Variants in COL18A1 observed in about 807,000 individuals in gnomAD.
The protein encoded by COL18A1 is collagen type XVIII alpha 1 chain.
COL18A1 carries 133 observed loss-of-function variants against 168.0 expected under a neutral mutation model. That is an observed-to-expected ratio of 0.79 (90% CI 0.69 to 0.91). The LOEUF (loss-of-function observed/expected upper bound fraction) is 0.91, where lower values mean the gene tolerates loss of function less well. Ranked by LOEUF, COL18A1 falls within the 40% of genes least tolerant of loss-of-function variation. COL18A1 has a pLI of 0.00. For missense variants in COL18A1, 2,126 were observed against 1,925.4 expected (o/e 1.10, Z -1.95); for synonymous variants, 949 against 809.0 (o/e 1.17, Z -2.94).
rs1207411101 is a variant in COL18A1, at chr21:45,512,292, C to T, written c.3914C>T (p.Ala1305Val). 3 of 1,612,220 alleles carry T rather than the reference C, an allele frequency of 1.9e-6. No individual in the cohort carries two copies. Among genetic ancestry groups the T allele is most frequent in the African/African-American group, 1.3e-5 (1 of 75,038 alleles). Residue 1305 changes from alanine (A) to valine (V), a missense_variant, in exon 42 of 42, where the codon GCC becomes GTC. Coordinates refer to ENST00000651438, the MANE Select transcript of COL18A1 (RefSeq NM_001379500.1). Reference protein sequence around the residue: ...RTEAPSATGQASSLLGGRLLG... With the variant: ...RTEAPSATGQVSSLLGGRLLG... ...GAGGCTCCCTCGGCCACGGGCCAGG[C>T]CTCCTCGCTGCTGGGGGGCAGGCTC...
intron 2 of COL18A1, among the ~76,000 whole-genome samples, chr21:45,408,928 G>C (rs1166169982): frequency 6.6e-6 from 1 of 151,890 alleles, no homozygotes; most frequent in Non-Finnish European, 1.5e-5. Context: ...TCCTCTCTCA[G>C]CCCCAGGCCT....
chr21:45,481,272 C>T (rs1000440476), intron 13 of COL18A1, among the ~76,000 whole-genome samples: 1 of 152,266 alleles, frequency 6.6e-6, no homozygotes, highest in African/African-American at 2.4e-5. Context: ...ACGGCAGGCT[C>T]CCCACCAGCT....
intron 30 of COL18A1, 65 bp downstream of exon 30, chr21:45,496,633 G>T: frequency 1.2e-6 from 1 of 832,550 alleles, no homozygotes; most frequent in South Asian, 1.3e-5. Context: ...CCCCACAGAG[G>T]GGCTGGGCCT....
At chr21:45,461,124 G>C (rs111906163) in intron 2 of COL18A1, among the ~76,000 whole-genome samples, 2 of 152,136 alleles carry the variant, frequency 1.3e-5, no homozygotes, top group African/African-American at 4.8e-5. Context: ...TATTCTAGCT[G>C]TAATCACCAT....
At chr21:45,452,768 G>C (rs2034658144) in intron 2 of COL18A1, among the ~76,000 whole-genome samples, 1 of 151,062 alleles carries the variant, frequency 6.6e-6, no homozygotes, top group African/African-American at 2.4e-5. Flanking sequence ...ATGCATGTGA[G>C]TATTCACTGA....
intron 2 of COL18A1, among the ~76,000 whole-genome samples, chr21:45,409,702 G>A (rs182483543): frequency 1.3e-5 from 2 of 152,254 alleles, no homozygotes; most frequent in Admixed American, 6.5e-5. Flanking sequence ...CCTGCTCCAC[G>A]GCCAGTGGCT....
chr21:45,405,808 C>G (rs34975687), intron 2 of COL18A1, among the ~76,000 whole-genome samples: 103,247 of 151,194 alleles, frequency 0.68, 35,521 homozygotes, highest in East Asian at 0.88. Flanking sequence ...GACGCGGCCT[C>G]TGTCGCCGTC....
chr21:45,468,771 C>T lies in COL18A1; in HGVS notation c.636C>T (p.Asp212=), dbSNP rs987675770. The T allele has an allele frequency of 6.3e-7, 1 of 1,599,750 alleles. No individual in the cohort carries two copies. ...GLFVAQAGGA[D]PDKFQGVIAE... is the part of the protein sequence containing the mutation. ...TCGTGGCTCAGGCGGGGGGAGCGGA[C>T]CCTGACAAGTTCCAGGTAACCCCCA... Residue 212 remains aspartate, a synonymous_variant, in exon 3 of 42, where the codon GAC becomes GAT. Transcript: ENST00000651438.
chr21:45,427,278 G>T (rs2033831853), intron 2 of COL18A1, among the ~76,000 whole-genome samples: 1 of 152,142 alleles, frequency 6.6e-6, no homozygotes, highest in East Asian at 1.9e-4. Context: ...TCCCCCTGCT[G>T]TCCTGCCAGT....
Position 45,495,367 on chromosome 21 carries a change from G to A in COL18A1, c.2443G>A (p.Gly815Arg), listed in dbSNP as rs755172484. The stretch of plus-strand genomic sequence containing the variant: ...CTGTGCTCCGCCCCAGGGTCGCCCC[G>A]GGATGAACGGATTGAAAGGAGAGAA... Reference protein sequence around the residue: ...IGFPGRPGRPGMNGLKGEKGE... With the variant: ...IGFPGRPGRPRMNGLKGEKGE... Residue 815 changes from glycine (G) to arginine (R), a missense_variant, in exon 29 of 42, where the codon GGG (glycine) becomes AGG (arginine). Coordinates refer to ENST00000651438, the MANE Select transcript of COL18A1 (RefSeq NM_001379500.1). 1.1e-5 allele frequency: 17 copies of A among 1,609,910 alleles called. No individual in the cohort carries two copies. The highest frequency in any genetic ancestry group is 1.7e-5 in the Admixed American group (1 of 59,692).
rs1448531025 is a variant in COL18A1 at position 45,424,389 on chromosome 21, ACG to A, written c.106+18918_106+18919del. The A allele has an allele frequency of 2.0e-5, 3 of 152,196 alleles. No homozygotes were observed. In the East Asian group the frequency reaches 5.8e-4, roughly 30 times the overall value. 9.4% of individuals were successfully genotyped at this position (152,196 alleles called of 1,614,324 possible). A position where few individuals can be genotyped will look rare whatever the true frequency, so the allele number is the denominator to read the frequency against. On this transcript the variant is annotated intron_variant, in intron 2 of 41. Transcript: ENST00000651438. ...GAGGAGGTGTGTGGCGCAGGTAAACACGCCTGGAGCGCAGCTCTGCTGTGGGT... is the reference window on the plus strand; with the variant it reads ...GAGGAGGTGTGTGGCGCAGGTAAACACCTGGAGCGCAGCTCTGCTGTGGGT...
chr21:45,510,399 C>A, intron 40 of COL18A1, 138 bp downstream of exon 40: 1 of 999,990 alleles, frequency 1.0e-6, no homozygotes, highest in Non-Finnish European at 1.5e-6. Context: ...CTGGCGACTT[C>A]AGGGCAGGCT....
In COL18A1 at chr21:45,443,374, C is replaced by T. The variant is rs1233554342; in HGVS notation, c.107-24868C>T. Among the ~76,000 whole-genome samples, 6 of 152,160 alleles carry T rather than the reference C, an allele frequency of 3.9e-5. No individual in the cohort carries two copies. ...CCCAGTTAAGGAGCAACCTGGTAAA[C>T]CCTTGAAAACCAAGTGGGCCTTCAC... On this transcript the variant is annotated intron_variant, in intron 2 of 41. Transcript: ENST00000651438. This position sits in a 1 kb window ranked among gnomAD's most constrained non-coding sequence, Gnocchi z 5.2.
intron 14 of COL18A1, 131 bp from the exon 15 acceptor site, chr21:45,482,664 A>G: frequency 1.5e-6 from 2 of 1,369,736 alleles, no homozygotes; most frequent in South Asian, 1.2e-5. Flanking sequence ...AGCCTCAGAA[A>G]CTATTAAACC....
At chr21:45,474,663 A>G (rs2838936) in intron 4 of COL18A1, among the ~76,000 whole-genome samples, 1 of 72,374 alleles carries the variant, frequency 1.4e-5, no homozygotes, top group Admixed American at 1.4e-4. Flanking sequence ...ACAGCAGGGA[A>G]TTCTCACTCA....
intron 2 of COL18A1, among the ~76,000 whole-genome samples, chr21:45,417,617 TC>T (rs1246185883): frequency 7.0e-6 from 1 of 142,812 alleles, no homozygotes; most frequent in Non-Finnish European, 1.6e-5. Context: ...TCCCTCCAGC[TC>T]CCTGATGGGC....
rs1393491389 is a variant in COL18A1 at position 45,498,987 on chromosome 21, C to T, written c.2683+1326C>T. On this transcript the variant is annotated intron_variant, in intron 32 of 41. Coordinates refer to ENST00000651438, the MANE Select transcript of COL18A1 (RefSeq NM_001379500.1). The surrounding 1 kb of genome is among the most constrained non-coding windows in gnomAD (Gnocchi z 4.5). ...TCCCTGGGAGCCAGAACGAGGGCTC[C>T]GAGGGCTCTAGAGGGAACAGTGTTT... is the stretch of plus-strand genomic sequence containing the variant. Among the ~76,000 whole-genome samples the T allele has an allele frequency of 1.3e-5, 2 of 152,080 alleles. No individual in the cohort carries two copies. Among genetic ancestry groups the T allele is most frequent in the Non-Finnish European group, 2.9e-5 (2 of 68,014 alleles).
chr21:45,509,019 C>T (rs1243904896), intron 38 of COL18A1, among the ~76,000 whole-genome samples: 3 of 152,012 alleles, frequency 2.0e-5, no homozygotes, highest in Admixed American at 6.6e-5. Flanking sequence ...ATTAGAAGGT[C>T]GAAGGTCGCC....
Position 45,473,245 on chromosome 21 carries a change from A to T in COL18A1, c.652-650A>T, listed in dbSNP as rs1211299156. Among the ~76,000 whole-genome samples, 2 of 152,144 alleles carry T rather than the reference A, an allele frequency of 1.3e-5. No homozygotes were observed. On this transcript the variant is annotated intron_variant, in intron 3 of 41. Transcript: ENST00000651438. This position sits in a 1 kb window ranked among gnomAD's most constrained non-coding sequence, Gnocchi z 4.0. Reference sequence around the variant, plus strand: ...ACCGCCGGCCGCGCCAGGGCCCGAGAGGGCAGGGTCAGGCACCCTGGCACT... The same window carrying T: ...ACCGCCGGCCGCGCCAGGGCCCGAGTGGGCAGGGTCAGGCACCCTGGCACT...
Sources: gnomAD v4.1 joint callset for allele counts (sites outside exome capture counted in the v4.1 genomes callset) on GRCh38, gnomAD v4.1.1 for gene constraint, Gnocchi (gnomAD v3.1) non-coding constraint, MANE v1.5 for transcripts, NCBI Gene and HGNC (gene_info 2026-07-23, HGNC 2026-07-21) for gene names.